Variants in ITGAM observed in about 807,000 individuals in gnomAD.
The protein encoded by ITGAM is integrin alpha-M.
In ITGAM, 79 loss-of-function variants were observed where a neutral mutation model predicts 137.5. That is an observed-to-expected ratio of 0.57 (90% confidence interval 0.48 to 0.69). The LOEUF is 0.69. Ranked by LOEUF, ITGAM falls within the 30% of genes least tolerant of loss-of-function variation. The pLI is 0.00. For missense variants in ITGAM, 1,343 were observed against 1,483.5 expected (o/e 0.91, Z 1.56); for synonymous variants, 583 against 592.3 (o/e 0.98, Z 0.23).
Position 31,275,624 on chromosome 16 carries a change from G to A in ITGAM, c.934G>A (p.Val312Met), listed in dbSNP as rs145640513. 110 of 1,613,856 alleles carry A rather than the reference G, an allele frequency of 6.8e-5. No individual in the cohort carries two copies. The highest frequency in any genetic ancestry group is 4.9e-4 in the Middle Eastern group (3 of 6,062). Residue 312 changes from valine to methionine, a missense_variant, in exon 9 of 30, where the codon GTG becomes ATG. Val to Met is a conservative substitution (Grantham distance 21). Transcript: ENST00000544665. Reference protein sequence around the residue: ...TIASKPPRDHVFQVNNFEALK... With the variant: ...TIASKPPRDHMFQVNNFEALK... ...CGCATCCAAGCCGCCTCGTGATCAC[G>A]TGTTCCAGGTGAATAACTTTGAGGC... is the stretch of plus-strand genomic sequence containing the variant.
intron 5 of ITGAM, among the ~76,000 whole-genome samples, chr16:31,267,300 A>G (rs1400191615): frequency 2.0e-5 from 3 of 151,214 alleles, no homozygotes; most frequent in African/African-American, 4.9e-5. Flanking sequence ...TCTCCCTTGC[A>G]TTTTTTTTCT....
At chr16:31,290,764 A>T (rs1273777943) in intron 12 of ITGAM, among the ~76,000 whole-genome samples, 1 of 152,138 alleles carries the variant, frequency 6.6e-6, no homozygotes, top group South Asian at 2.1e-4. Context: ...AAGAAAAAAA[A>T]ATATAAAGAG....
chr16:31,302,813 G>A (rs2080221454), intron 14 of ITGAM, among the ~76,000 whole-genome samples: 1 of 151,512 alleles, frequency 6.6e-6, no homozygotes, highest in East Asian at 2.0e-4. Flanking sequence ...GGGATTACAG[G>A]CGTGAGCCAC....
chr16:31,283,105 C>A (rs1400326359), intron 12 of ITGAM, among the ~76,000 whole-genome samples: 4 of 152,194 alleles, frequency 2.6e-5, no homozygotes, highest in African/African-American at 7.2e-5. Flanking sequence ...GTCTGATGGG[C>A]TTCCCTTTGT....
chr16:31,312,128 A>C (rs1454818727), intron 14 of ITGAM, among the ~76,000 whole-genome samples: 1 of 110,166 alleles, frequency 9.1e-6, no homozygotes, highest in Non-Finnish European at 1.7e-5. Context: ...CACACCAGGG[A>C]CTGTTGTGGG....
intron 2 of ITGAM, 50 bp from the exon 3 acceptor site, chr16:31,265,345 C>T: frequency 9.2e-7 from 1 of 1,082,594 alleles, no homozygotes; most frequent in South Asian, 1.6e-5. Flanking sequence ...CTGTGGTCTC[C>T]TTCTCTCCCC....
At chr16:31,276,895 C>A (rs747614423) in intron 10 of ITGAM, 25 bp from the exon 11 acceptor site, 1 of 1,603,906 alleles carries the variant, frequency 6.2e-7, no homozygotes, top group South Asian at 1.1e-5. Flanking sequence ...CCTTCCTCAT[C>A]AACCCTGTTC....
chr16:31,302,483 CTTTTT>C (rs34797781), intron 14 of ITGAM, among the ~76,000 whole-genome samples: 1 of 77,632 alleles, frequency 1.3e-5, no homozygotes, highest in African/African-American at 5.7e-5. Flanking sequence ...TTCTTTCTTT[CTTTTT>C]TCTTTCCTTC....
chr16:31,297,879 AGAG>A lies in ITGAM; in HGVS notation c.1638_1640del (p.Glu546del), dbSNP rs1365815378. On this transcript the variant is annotated inframe_deletion, in exon 14 of 30. Transcript: ENST00000544665. ...CGGACGTGGCCATTGGGGCCCCAGG[AGAG>A]GAGGACAACCGGGGTGCTGTTTACC... 1.2e-6 allele frequency: 2 copies of A among 1,613,936 alleles called. No individual in the cohort carries two copies. The highest frequency in any genetic ancestry group is 1.1e-5 in the South Asian group (1 of 91,074).
At position 31,324,443 on chromosome 16, in the gene ITGAM, G is replaced by A. The variant is rs1310395965; in HGVS notation, c.2047G>A (p.Gly683Ser). 8.4e-6 allele frequency: 13 copies of A among 1,555,824 alleles called. No homozygotes were observed. The Admixed American group carries it at 2.0e-4, about 23-fold the overall frequency. The stretch of plus-strand genomic sequence containing the variant: ...GACTTATGACCTGGCTCTGGACTCC[G>A]GCCGCCCACATTCCCGCGCCGTCTT... Reference protein sequence around the residue: ...VVTYDLALDSGRPHSRAVFNE... With the variant: ...VVTYDLALDSSRPHSRAVFNE... The change falls in exon 17 of 30, where the codon GGC (glycine) becomes AGC (serine). Residue 683 changes from glycine to serine, a missense_variant. Transcript: ENST00000544665. The surrounding 1 kb of genome is among the most constrained non-coding windows in gnomAD (Gnocchi z 4.5).
intron 23 of ITGAM, among the ~76,000 whole-genome samples, chr16:31,328,723 TG>T (rs1400873837): frequency 6.6e-6 from 1 of 150,568 alleles, no homozygotes. Context: ...TCTGTGTGCC[TG>T]GGTGTGTATT....
chr16:31,270,742 T>TATATATA lies in ITGAM; in HGVS notation c.428-210_428-209insATATAAT, dbSNP rs1343169219. Among the ~76,000 whole-genome samples, 270 of 109,870 alleles carry TATATATA rather than the reference T, an allele frequency of 2.5e-3. 12 individuals are homozygous for TATATATA. The highest frequency in any genetic ancestry group is 0.01 in the African/African-American group (259 of 25,218). 72.1% of individuals were successfully genotyped at this position (109,870 alleles called of 152,430 possible). The stretch of plus-strand genomic sequence containing the variant: ...ATATATATATATATATATATATATA[T>TATATATA]ATGTTTTTAACGTGTGTATACATAT... On this transcript the variant is annotated intron_variant, in intron 5 of 29. Coordinates refer to ENST00000544665, the MANE Select transcript of ITGAM (RefSeq NM_000632.4).
At chr16:31,307,490 T>C (rs574243766) in intron 14 of ITGAM, among the ~76,000 whole-genome samples, 6 of 152,200 alleles carry the variant, frequency 3.9e-5, no homozygotes, top group Non-Finnish European at 8.8e-5. Context: ...TTTTTGCACA[T>C]TGATTTTGTA....
intron 14 of ITGAM, among the ~76,000 whole-genome samples, chr16:31,299,749 T>TCTCCTCCTCCTCCTCTTC (rs2080175682): frequency 6.8e-6 from 1 of 147,754 alleles, no homozygotes; most frequent in Admixed American, 6.7e-5. Context: ...TTCTTTTTCT[T>TCTCCTCCTCCTCCTCTTC]CTCCTCCTCC....
chr16:31,328,938 G>A (rs2080544488), intron 23 of ITGAM: 1 of 534,944 alleles, frequency 1.9e-6, no homozygotes, highest in Non-Finnish European at 3.4e-6. Context: ...ATGTATGTGT[G>A]CATGGGTGTG....
At chr16:31,310,102 A>G (rs1196753720) in intron 14 of ITGAM, among the ~76,000 whole-genome samples, 2 of 151,166 alleles carry the variant, frequency 1.3e-5, no homozygotes, top group African/African-American at 2.4e-5. Flanking sequence ...GGGTAACCCA[A>G]CCTTTCTCTC....
intron 14 of ITGAM, among the ~76,000 whole-genome samples, chr16:31,302,788 G>T (rs1479760252): frequency 2.4e-4 from 37 of 151,632 alleles, no homozygotes; most frequent in Admixed American, 2.4e-3. Context: ...ACCTGCCTCA[G>T]CCTCCCAAAG....
chr16:31,261,309 C>A (rs1234770672), intron 1 of ITGAM, among the ~76,000 whole-genome samples: 1 of 149,532 alleles, frequency 6.7e-6, no homozygotes, highest in Non-Finnish European at 1.5e-5. Context: ...TTCAAGCAAT[C>A]CTCCCACCTC....
rs771630815 is a variant in ITGAM, at chr16:31,297,775, T to C, written c.1528T>C (p.Tyr510His). The C allele has an allele frequency of 2.5e-6, 4 of 1,603,414 alleles. No individual in the cohort carries two copies. The African/African-American group carries it at 5.4e-5, about 22-fold the overall frequency. The change falls in exon 14 of 30, where the codon TAC (tyrosine) becomes CAC (histidine). Residue 510 changes from tyrosine to histidine, a missense_variant. Transcript: ENST00000544665. ...TCGGTGGCAGTGTGATGCTGTTCTC[T>C]ACGGGGAGCAGGGCCAACCCTGGGG... ...RARWQCDAVLYGEQGQPWGRF... is the reference protein window; with the variant it reads ...RARWQCDAVLHGEQGQPWGRF...
Sources: gnomAD v4.1 joint callset for allele counts (sites outside exome capture counted in the v4.1 genomes callset) on GRCh38, gnomAD v4.1.1 for gene constraint, Gnocchi (gnomAD v3.1) non-coding constraint, MANE v1.5 for transcripts, NCBI Gene and HGNC (gene_info 2026-07-23, HGNC 2026-07-21) for gene names.